The following PJA2 variants were observed in gnomAD, a reference collection of about 807,000 sequenced individuals.
PJA2 encodes E3 ubiquitin-protein ligase Praja-2.
In PJA2, 25 loss-of-function variants were observed where a neutral mutation model predicts 69.3. The observed-to-expected ratio is 0.36, with a 90% CI of 0.26 to 0.50. The LOEUF (loss-of-function observed/expected upper bound fraction) is 0.50. Ranked by LOEUF, PJA2 falls within the 20% of genes least tolerant of loss-of-function variation. The pLI is 0.96. For synonymous variants in PJA2, 308 were observed against 277.8 expected (o/e 1.11, Z -1.08); for missense variants, 809 against 830.2 (o/e 0.97, Z 0.31).
chr5:109,369,345 T>G (rs543197587), intron 4 of PJA2, among the ~76,000 whole-genome samples: 1 of 152,342 alleles, frequency 6.6e-6, no homozygotes, highest in South Asian at 2.1e-4. Context: ...TGTGACTCTT[T>G]GAAAAGAATA....
chr5:109,397,802 G>C (rs2127016403), intron 1 of PJA2, among the ~76,000 whole-genome samples: 1 of 152,264 alleles, frequency 6.6e-6, no homozygotes, highest in African/African-American at 2.4e-5. Flanking sequence ...GGGATTACAG[G>C]CGTGAGCCAC....
chr5:109,383,457 G>A lies in PJA2; in HGVS notation c.-24C>T. On this transcript the variant is annotated 5_prime_UTR_variant, in exon 2 of 10. Transcript: ENST00000361189. ...ATATATGGCAGCGTCTGTGTGACCAGTTCAGTAGAATTATAGATGTGATTT... is the reference window on the plus strand; with the variant it reads ...ATATATGGCAGCGTCTGTGTGACCAATTCAGTAGAATTATAGATGTGATTT... 6.3e-7 allele frequency: 1 copy of A among 1,594,204 alleles called. No individual in the cohort carries two copies. The highest frequency in any genetic ancestry group is 8.6e-7 in the Non-Finnish European group (1 of 1,165,364).
intron 3 of PJA2, among the ~76,000 whole-genome samples, chr5:109,379,521 T>G (rs1396222790): frequency 6.6e-6 from 1 of 152,230 alleles, no homozygotes; most frequent in Non-Finnish European, 1.5e-5. Flanking sequence ...TCTAATGCCT[T>G]CTGCAAGACA....
Position 109,381,507 on chromosome 5 carries a change from G to T in PJA2, c.228C>A (p.Ser76=). 6.2e-7 allele frequency: 1 copy of T among 1,613,564 alleles called. No individual in the cohort carries two copies. The highest frequency in any genetic ancestry group is 8.5e-7 in the Non-Finnish European group (1 of 1,179,716). The change falls in exon 3 of 10, where the codon TCC becomes TCA. Residue 76 remains serine, a synonymous_variant. Coordinates refer to ENST00000361189, the MANE Select transcript of PJA2 (RefSeq NM_014819.5). Reference sequence around the variant, plus strand: ...AAATAATTAAATGTTACACACCTGAGGAATTTTCCTTTGGAACATCATCTA... The same window carrying T: ...AAATAATTAAATGTTACACACCTGATGAATTTTCCTTTGGAACATCATCTA... ...LELDDVPKEN[S]SGSSPLDQVD...
chr5:109,379,442 G>T (rs1746987045), intron 3 of PJA2, among the ~76,000 whole-genome samples, 188 bp from the exon 4 acceptor site: 1 of 152,142 alleles, frequency 6.6e-6, no homozygotes, highest in South Asian at 2.1e-4. Context: ...GTTCATTTAT[G>T]TCAATGTACA....
At chr5:109,355,078 T>G (rs946334604) in intron 7 of PJA2, among the ~76,000 whole-genome samples, 37 of 152,162 alleles carry the variant, frequency 2.4e-4, no homozygotes, top group Admixed American at 2.4e-3. Context: ...AAGCTATGAC[T>G]GCACCACTGC....
At chr5:109,409,314 T>C (rs1027338127) in intron 1 of PJA2, 21 of 152,144 alleles carry the variant, frequency 1.4e-4, no homozygotes, top group African/African-American at 4.8e-4. Flanking sequence ...TCGGGGAAAA[T>C]GCAGACGCCC....
chr5:109,376,671 T>C (rs1746895415), intron 4 of PJA2, among the ~76,000 whole-genome samples: 1 of 151,896 alleles, frequency 6.6e-6, no homozygotes, highest in Admixed American at 6.6e-5. Flanking sequence ...TTCAAAAAAA[T>C]AAATTATCAA....
chr5:109,378,498 T>C lies in PJA2; in HGVS notation c.989A>G (p.Glu330Gly). ...CGCCTCATGCCTATTAAAACCTGTT[T>C]CTTGGTCCACCTGGCTTGAACTTAT... is the stretch of plus-strand genomic sequence containing the variant. ...KLISSSQVDQ[E>G]TGFNRHEAKQ... is the part of the protein sequence containing the mutation. Residue 330 changes from glutamate to glycine, a missense_variant, in exon 4 of 10, where the codon GAA (glutamate) becomes GGA (glycine). Glu to Gly is a moderately conservative substitution (Grantham distance 98). This residue lies in a region of PJA2 where 700 missense variants were observed against 639.5 expected (regional missense o/e 1.09). Transcript: ENST00000361189. 1.2e-6 allele frequency: 2 copies of C among 1,614,186 alleles called. No homozygotes were observed. Among genetic ancestry groups the C allele is most frequent in the Non-Finnish European group, 1.7e-6 (2 of 1,180,018 alleles).
Position 109,379,130 on chromosome 5 carries a change from A to G in PJA2, c.357T>C (p.Phe119=), listed in dbSNP as rs774280253. The G allele has an allele frequency of 4.3e-6, 7 of 1,614,018 alleles. No homozygotes were observed. In the African/African-American group the frequency reaches 8.0e-5, roughly 18 times the overall value. Residue 119 remains phenylalanine (F), a synonymous_variant, in exon 4 of 10, where the codon TTT becomes TTC. Transcript: ENST00000361189. ...LNQTTESSQS[F]VAVHHSEEGR... is the part of the protein sequence containing the mutation. ...CTTCCTCACTGTGATGTACTGCAACAAAGGATTGACTGCTCTCAGTGGTTT... is the reference window on the plus strand; with the variant it reads ...CTTCCTCACTGTGATGTACTGCAACGAAGGATTGACTGCTCTCAGTGGTTT...
intron 6 of PJA2, among the ~76,000 whole-genome samples, chr5:109,358,638 G>A (rs1417113225): frequency 6.6e-6 from 1 of 152,036 alleles, no homozygotes; most frequent in African/African-American, 2.4e-5. Flanking sequence ...TGGGCAACAC[G>A]GTGAAAGCCC....
At position 109,378,517 on chromosome 5, in the gene PJA2, A is replaced by C. The variant is rs1582613232; in HGVS notation, c.970T>G (p.Ser324Ala). Residue 324 changes from serine (S) to alanine (A), a missense_variant, in exon 4 of 10, where the codon TCA becomes GCA. Ser to Ala is a moderately conservative substitution (Grantham distance 99, BLOSUM62 1). Transcript: ENST00000361189. ...CCTGTTTCTTGGTCCACCTGGCTTG[A>C]ACTTATCAGTTTTCTAACTTTTGGC... Reference protein sequence around the residue: ...VRPKVRKLISSSQVDQETGFN... With the variant: ...VRPKVRKLISASQVDQETGFN... The C allele has an allele frequency of 6.2e-7, 1 of 1,614,094 alleles. No homozygotes were observed. Among genetic ancestry groups the C allele is most frequent in the East Asian group, 2.2e-5 (1 of 44,882 alleles).
intron 1 of PJA2, among the ~76,000 whole-genome samples, chr5:109,388,962 A>T (rs1055804294): frequency 2.0e-5 from 3 of 152,186 alleles, no homozygotes; most frequent in African/African-American, 4.8e-5. Flanking sequence ...TTATGACAAA[A>T]TGCATTTATG....
chr5:109,369,691 A>G (rs1762643072), intron 4 of PJA2, among the ~76,000 whole-genome samples: 1 of 152,236 alleles, frequency 6.6e-6, no homozygotes, highest in Non-Finnish European at 1.5e-5. Context: ...AAAAAGCAGT[A>G]CTGGCAAAAC....
intron 5 of PJA2, among the ~76,000 whole-genome samples, chr5:109,365,126 CTTCCAGTTAT>C (rs1257283814): frequency 6.6e-6 from 1 of 152,182 alleles, no homozygotes. Context: ...AGTGGTTCGG[CTTCCAGTTAT>C]TTCTCCTAAA....
In PJA2 at chr5:109,381,694, T is replaced by C. The variant is rs200748208; in HGVS notation, c.41A>G (p.Gln14Arg). Residue 14 changes from glutamine (Q) to arginine (R), a missense_variant, in exon 3 of 10, where the codon CAA (glutamine) becomes CGA (arginine). By Grantham distance (43) the Gln-to-Arg change is conservative. Around this residue, in one of 4 missense-constraint regions of PJA2, gnomAD observed 700 missense variants for 639.5 expected, o/e 1.09. Transcript: ENST00000361189. ...GGGCCAGACAGCCTTACCAGATTCT[T>C]GGTCCATTGCTGAAAAAAAAGTTAA... is the stretch of plus-strand genomic sequence containing the variant. ...YTEKEPAAMD[Q>R]ESGKAVWPKP... 1.3e-5 allele frequency: 21 copies of C among 1,613,722 alleles called. No homozygotes were observed. The East Asian group carries it at 4.5e-4, about 34-fold the overall frequency.
intron 1 of PJA2, chr5:109,390,752 G>A (rs965868401): frequency 5.9e-5 from 9 of 151,746 alleles, no homozygotes; most frequent in Non-Finnish European, 1.2e-4. Context: ...TTATCTTAGT[G>A]GTTTTCCTAG....
chr5:109,380,086 CTTTTTTTT>C (rs35217352), intron 3 of PJA2, among the ~76,000 whole-genome samples: 18 of 74,228 alleles, frequency 2.4e-4, no homozygotes, highest in Admixed American at 1.8e-4. Context: ...ACGAAGGGTT[CTTTTTTTT>C]TTTTTTTTTT....
At chr5:109,373,526 T>C (rs554057279) in intron 4 of PJA2, among the ~76,000 whole-genome samples, 3 of 151,986 alleles carry the variant, frequency 2.0e-5, no homozygotes, top group South Asian at 2.1e-4. Context: ...CAGGAGTACA[T>C]GGAAGGAAAA....
Sources: allele counts gnomAD v4.1 joint callset (sites outside exome capture counted in the v4.1 genomes callset), GRCh38; gene constraint gnomAD v4.1.1; regional missense constraint gnomAD v4.1.1; transcripts MANE v1.5; gene names NCBI Gene and HGNC (gene_info 2026-07-23, HGNC 2026-07-21).